LCA5: variants seen among roughly 807,000 people sequenced by gnomAD.
LCA5 encodes lebercilin.
LCA5 carries 37 observed loss-of-function variants against 53.0 expected under a neutral mutation model. That is an observed-to-expected ratio of 0.70 (90% CI 0.54 to 0.92). The LOEUF (loss-of-function observed/expected upper bound fraction) is 0.92. Ranked by LOEUF, LCA5 falls within the 40% of genes least tolerant of loss-of-function variation. LCA5 has a pLI of 0.00. For synonymous variants in LCA5, 303 were observed against 282.9 expected, an observed-to-expected ratio of 1.07 and a Z score of -0.71; for missense variants, 806 against 790.5, an observed-to-expected ratio of 1.02 and a Z score of -0.23.
chr6:79,492,618 A>G lies in LCA5; in HGVS notation c.888T>C (p.Asn296=), dbSNP rs1270974677. The G allele has an allele frequency of 2.6e-6, 4 of 1,556,032 alleles. No individual in the cohort carries two copies. In the Admixed American group the frequency reaches 6.9e-5, roughly 27 times the overall value. The part of the protein sequence containing the change: ...KEKERELDIK[N]IYSNRLPKSS... ...ACTTTGGCAGACGATTAGAATATAT[A>G]TTTTTTATATCCAGTTCTCTCTCCT... The change falls in exon 5 of 8, where the codon AAT becomes AAC. Residue 296 remains asparagine (N), a synonymous_variant. Coordinates refer to ENST00000369846, the MANE Select transcript of LCA5 (RefSeq NM_001122769.3).
At chr6:79,518,583 C>T (rs1365140509) in intron 2 of LCA5, 122 bp downstream of exon 2, 1 of 871,878 alleles carries the variant, frequency 1.1e-6, no homozygotes, top group Non-Finnish European at 1.9e-6. Context: ...AAACGTAAAT[C>T]AGCCCACTTC....
At chr6:79,529,611 C>A (rs934515116) in intron 1 of LCA5, among the ~76,000 whole-genome samples, 3 of 152,180 alleles carry the variant, frequency 2.0e-5, no homozygotes, top group South Asian at 2.1e-4. Context: ...AAGATGGTAA[C>A]CCCGCAGAAT....
At chr6:79,509,453 CAA>C (rs55961532) in intron 3 of LCA5, among the ~76,000 whole-genome samples, 32 of 84,246 alleles carry the variant, frequency 3.8e-4, no homozygotes, top group African/African-American at 1.0e-3. Context: ...GACTCCGTCT[CAA>C]AAAAAAAAAA....
intron 1 of LCA5, among the ~76,000 whole-genome samples, chr6:79,531,443 T>C (rs1261338201): frequency 3.3e-5 from 5 of 152,132 alleles, no homozygotes; most frequent in African/African-American, 1.2e-4. Flanking sequence ...ACCCAATTTC[T>C]CCACTCCAAT....
intron 1 of LCA5, among the ~76,000 whole-genome samples, chr6:79,532,967 A>T (rs538637581): frequency 6.6e-6 from 1 of 152,300 alleles, no homozygotes; most frequent in African/African-American, 2.4e-5. Flanking sequence ...GAAAATATTA[A>T]ATCTTCCCTC....
chr6:79,510,074 G>A (rs1770371759), intron 3 of LCA5, among the ~76,000 whole-genome samples: 1 of 152,170 alleles, frequency 6.6e-6, no homozygotes, highest in South Asian at 2.1e-4. Context: ...GATATAACAT[G>A]AGAGGAATCA....
chr6:79,525,509 T>G (rs1309577636), intron 1 of LCA5, among the ~76,000 whole-genome samples: 1 of 152,134 alleles, frequency 6.6e-6, no homozygotes, highest in Non-Finnish European at 1.5e-5. Flanking sequence ...CAAACAAAAA[T>G]TTCCAAATGT....
At chr6:79,511,608 C>G (rs143896607) in intron 3 of LCA5, among the ~76,000 whole-genome samples, 1 of 152,024 alleles carries the variant, frequency 6.6e-6, no homozygotes, top group Non-Finnish European at 1.5e-5. Flanking sequence ...TACACACACA[C>G]GTAAAACTAG....
intron 6 of LCA5, 106 bp downstream of exon 6, chr6:79,491,482 T>C: frequency 3.4e-6 from 4 of 1,177,830 alleles, no homozygotes; most frequent in Middle Eastern, 2.2e-4. Flanking sequence ...CATATTCATA[T>C]AGATATAGTA....
chr6:79,489,418 A>T (rs959760030), intron 6 of LCA5, among the ~76,000 whole-genome samples: 1 of 152,154 alleles, frequency 6.6e-6, no homozygotes, highest in African/African-American at 2.4e-5. Context: ...TTAAAATTGT[A>T]AAGAAGCATT....
intron 3 of LCA5, among the ~76,000 whole-genome samples, chr6:79,504,544 T>C (rs956580507): frequency 2.6e-5 from 4 of 152,154 alleles, no homozygotes; most frequent in Non-Finnish European, 5.9e-5. Flanking sequence ...TGAACATAGT[T>C]TGAATAGTTG....
chr6:79,514,674 T>C (rs1562107295), intron 2 of LCA5, among the ~76,000 whole-genome samples: 1 of 152,148 alleles, frequency 6.6e-6, no homozygotes, highest in East Asian at 1.9e-4. Flanking sequence ...TGGAATACTA[T>C]ACAGCCATAA....
upstream of LCA5, among the ~76,000 whole-genome samples, chr6:79,538,035 T>TTTTTTTG: frequency 7.3e-6 from 1 of 136,934 alleles, no homozygotes; most frequent in Non-Finnish European, 1.5e-5. Context: ...TTTTTTTTTT[T>TTTTTTTG]TTTTTTTTTT....
At chr6:79,535,869 G>C (rs1767101321) in intron 1 of LCA5, among the ~76,000 whole-genome samples, 1 of 152,076 alleles carries the variant, frequency 6.6e-6, no homozygotes. Context: ...AAATATGGTG[G>C]GCCGAGGAAG....
At chr6:79,538,363 G>T (rs999971503), upstream of LCA5, among the ~76,000 whole-genome samples, 3 of 152,028 alleles carry the variant, frequency 2.0e-5, no homozygotes, top group Non-Finnish European at 4.4e-5. Context: ...GCTCAACCTC[G>T]TTTTTCCACC....
chr6:79,520,118 A>G (rs1190731255), intron 1 of LCA5, among the ~76,000 whole-genome samples: 1 of 152,126 alleles, frequency 6.6e-6, no homozygotes, highest in Non-Finnish European at 1.5e-5. Context: ...AAATAATGCT[A>G]AAATTAGGAG....
intron 3 of LCA5, among the ~76,000 whole-genome samples, chr6:79,498,630 C>A (rs924024394): frequency 6.6e-6 from 1 of 151,718 alleles, no homozygotes; most frequent in African/African-American, 2.4e-5. Context: ...AGGAAGTGAA[C>A]CCTGAAGGAA....
chr6:79,521,035 T>C (rs1014878524), intron 1 of LCA5, among the ~76,000 whole-genome samples: 1 of 152,204 alleles, frequency 6.6e-6, no homozygotes, highest in African/African-American at 2.4e-5. Flanking sequence ...TGGCCACATG[T>C]GGCTATCAAG....
intron 3 of LCA5, among the ~76,000 whole-genome samples, chr6:79,494,704 A>G (rs1473552547): frequency 6.6e-6 from 1 of 152,214 alleles, no homozygotes; most frequent in Non-Finnish European, 1.5e-5. Flanking sequence ...TAATAACACA[A>G]TCTTTTTCAA....
Sources: gnomAD v4.1 joint callset for allele counts (sites outside exome capture counted in the v4.1 genomes callset) on GRCh38, gnomAD v4.1.1 for gene constraint, MANE v1.5 for transcripts, NCBI Gene and HGNC (gene_info 2026-07-23, HGNC 2026-07-21) for gene names.